SMYD3: variants seen among roughly 807,000 people sequenced by gnomAD.
SMYD3 encodes the protein histone-lysine N-methyltransferase SMYD3.
In SMYD3, 36 loss-of-function variants were observed where a neutral mutation model predicts 57.7. The observed-to-expected ratio is 0.62, with a 90% CI of 0.48 to 0.82. The LOEUF is 0.82. Ranked by LOEUF, SMYD3 falls within the 40% of genes least tolerant of loss-of-function variation. SMYD3 has a pLI of 0.00. For missense variants in SMYD3, 515 were observed against 538.8 expected (o/e 0.96, Z 0.44); for synonymous variants, 211 against 195.0 (o/e 1.08, Z -0.68).
intron 5 of SMYD3, among the ~76,000 whole-genome samples, chr1:245,941,899 A>C (rs950401269): frequency 6.6e-5 from 10 of 152,220 alleles, no homozygotes; most frequent in African/African-American, 2.2e-4. Context: ...GTGAAGGAGA[A>C]ATAAAATCCT....
chr1:246,010,116 C>CA (rs2059256001), intron 5 of SMYD3, among the ~76,000 whole-genome samples: 2 of 147,710 alleles, frequency 1.4e-5, no homozygotes, highest in Admixed American at 6.8e-5. Flanking sequence ...AAAACAAAAA[C>CA]AAAAAAACAA....
chr1:246,088,396 T>A (rs960267755), intron 5 of SMYD3, among the ~76,000 whole-genome samples: 1 of 150,630 alleles, frequency 6.6e-6, no homozygotes, highest in Non-Finnish European at 1.5e-5. Context: ...GATCATGAGG[T>A]CAGGAGATCG....
chr1:246,288,959 C>G (rs1228877924), intron 5 of SMYD3, among the ~76,000 whole-genome samples: 1 of 151,912 alleles, frequency 6.6e-6, no homozygotes, highest in Non-Finnish European at 1.5e-5. Flanking sequence ...ACTAAAAATA[C>G]AAAAAATTAG....
At chr1:246,058,791 T>A (rs952164568) in intron 5 of SMYD3, among the ~76,000 whole-genome samples, 1 of 152,106 alleles carries the variant, frequency 6.6e-6, no homozygotes, top group Non-Finnish European at 1.5e-5. Context: ...TTAAATAGTA[T>A]AGAAGGACTT....
At chr1:245,773,090 TAAA>T (rs34679948) in intron 10 of SMYD3, among the ~76,000 whole-genome samples, 2 of 86,256 alleles carry the variant, frequency 2.3e-5, no homozygotes, top group Admixed American at 1.2e-4. Flanking sequence ...GGAGAATCAC[TAAA>T]AAAAAAAAAA....
chr1:246,003,642 G>A (rs1007836268), intron 5 of SMYD3, among the ~76,000 whole-genome samples: 4 of 152,050 alleles, frequency 2.6e-5, no homozygotes, highest in Non-Finnish European at 5.9e-5. Context: ...ACCTTTTTCA[G>A]CAATGTAAAA....
At chr1:245,999,022 C>A (rs957869414) in intron 5 of SMYD3, among the ~76,000 whole-genome samples, 3 of 151,868 alleles carry the variant, frequency 2.0e-5, no homozygotes, top group African/African-American at 7.3e-5. Context: ...TGTCGCTTCA[C>A]GGGGTAGGAA....
At chr1:246,157,397 A>G (rs2062038434) in intron 5 of SMYD3, among the ~76,000 whole-genome samples, 1 of 152,168 alleles carries the variant, frequency 6.6e-6, no homozygotes, top group South Asian at 2.1e-4. Context: ...AACAGCAGCA[A>G]TTCTGTTTCT....
intron 1 of SMYD3, among the ~76,000 whole-genome samples, chr1:246,416,604 A>G (rs1266491671): frequency 6.6e-6 from 1 of 151,922 alleles, no homozygotes; most frequent in Non-Finnish European, 1.5e-5. Context: ...ATGAAAGTAA[A>G]GGGGGAAAAT....
intron 10 of SMYD3, among the ~76,000 whole-genome samples, chr1:245,810,001 G>A (rs1320604390): frequency 1.3e-5 from 2 of 152,130 alleles, no homozygotes; most frequent in Non-Finnish European, 2.9e-5. Flanking sequence ...CAAGATTTTG[G>A]TTTCAGAGGG....
intron 1 of SMYD3, among the ~76,000 whole-genome samples, chr1:246,479,876 G>A (rs926725277): frequency 4.6e-5 from 7 of 152,016 alleles, no homozygotes; most frequent in East Asian, 1.9e-4. Flanking sequence ...TGGCTGGCAC[G>A]TAAAGTCTCA....
intron 5 of SMYD3, among the ~76,000 whole-genome samples, chr1:246,189,376 G>A (rs574290038): frequency 7.2e-5 from 11 of 152,302 alleles, no homozygotes; most frequent in African/African-American, 2.6e-4. Context: ...AGGGAACAAC[G>A]CAAGTGTCGG....
chr1:246,344,402 G>C (rs1203711515), intron 2 of SMYD3, among the ~76,000 whole-genome samples: 1 of 152,160 alleles, frequency 6.6e-6, no homozygotes, highest in East Asian at 1.9e-4. Flanking sequence ...AGTGTTTTGA[G>C]ATTCACTAAC....
At chr1:246,280,583 T>C (rs770820306) in intron 5 of SMYD3, among the ~76,000 whole-genome samples, 82 of 152,116 alleles carry the variant, frequency 5.4e-4, no homozygotes, top group Non-Finnish European at 5.4e-4. Flanking sequence ...CACAGTGAAA[T>C]CTCCATTTCT....
At chr1:246,056,628 C>T (rs2060156253) in intron 5 of SMYD3, among the ~76,000 whole-genome samples, 1 of 150,252 alleles carries the variant, frequency 6.7e-6, no homozygotes, top group Non-Finnish European at 1.5e-5. Context: ...GAAAATTGTG[C>T]ACTATCAACA....
At position 246,095,139 on chromosome 1, in the gene SMYD3, A is replaced by ATGTG. The variant is rs1270004081; in HGVS notation, c.532-165206_532-165203dup. 1.1e-4 allele frequency among the ~76,000 whole-genome samples: 16 copies of ATGTG among 152,260 alleles called. No individual in the cohort carries two copies. In the East Asian group the frequency reaches 3.1e-3, roughly 29 times the overall value. On this transcript the variant is annotated intron_variant, in intron 5 of 11. Coordinates refer to ENST00000490107, the MANE Select transcript of SMYD3 (RefSeq NM_001167740.2). Reference sequence around the variant, plus strand: ...CGCATCAATGATGCCCAGCACTGGAATGTGTTTGTCTGTCTCTCCCCACAC... The same window carrying ATGTG: ...CGCATCAATGATGCCCAGCACTGGAATGTGTGTGTTTGTCTGTCTCTCCCCACAC...
At chr1:246,146,257 C>G (rs1395482525) in intron 5 of SMYD3, among the ~76,000 whole-genome samples, 2 of 152,148 alleles carry the variant, frequency 1.3e-5, no homozygotes, top group African/African-American at 2.4e-5. Flanking sequence ...AATCCAGGTA[C>G]TAAAACAGCT....
chr1:245,763,346 A>C (rs2817505), intron 11 of SMYD3, among the ~76,000 whole-genome samples: 2,809 of 152,176 alleles, frequency 0.018, 80 homozygotes, highest in African/African-American at 0.064. Flanking sequence ...GGGTATGCCT[A>C]CTGCAATGTG....
chr1:245,938,142 G>A (rs1389629993), intron 5 of SMYD3, among the ~76,000 whole-genome samples: 3 of 152,176 alleles, frequency 2.0e-5, no homozygotes, highest in Non-Finnish European at 4.4e-5. Flanking sequence ...TGAACTTTTG[G>A]CAGGCAAGGG....
Sources: gnomAD v4.1 joint callset for allele counts (sites outside exome capture counted in the v4.1 genomes callset) on GRCh38, gnomAD v4.1.1 for gene constraint, MANE v1.5 for transcripts, NCBI Gene and HGNC (gene_info 2026-07-23, HGNC 2026-07-21) for gene names.